SLC35D4: variants seen among roughly 807,000 people sequenced by gnomAD.
SLC35D4 encodes the protein solute carrier family 35 member D4.
the SLC35D4 span, among the ~76,000 whole-genome samples, chr18:23,395,997 A>C: frequency 6.6e-6 from 1 of 152,216 alleles, no homozygotes; most frequent in Non-Finnish European, 1.5e-5. Flanking sequence ...CAAGGTCAGA[A>C]ACCAGGTCTT....
the SLC35D4 span, chr18:23,370,303 C>G: frequency 6.2e-7 from 1 of 1,600,902 alleles, no homozygotes; most frequent in Admixed American, 1.7e-5. Flanking sequence ...TGGTATTCTG[C>G]TCAAGGAGCT....
chr18:23,294,426 G>A, the SLC35D4 span, among the ~76,000 whole-genome samples: 2 of 152,174 alleles, frequency 1.3e-5, no homozygotes, highest in Non-Finnish European at 2.9e-5. Flanking sequence ...CATAGAAGAT[G>A]GTGGTTAAAG....
At chr18:23,331,020 T>A in the SLC35D4 span, 1 of 152,246 alleles carries the variant, frequency 6.6e-6, no homozygotes, top group Non-Finnish European at 1.5e-5. Flanking sequence ...CCAGGCGTGG[T>A]GGCTCATACC....
chr18:23,425,409 G>T, the SLC35D4 span, among the ~76,000 whole-genome samples: 1 of 152,156 alleles, frequency 6.6e-6, no homozygotes, highest in African/African-American at 2.4e-5. Flanking sequence ...CCAAAAAAAT[G>T]ACTTTATACA....
the SLC35D4 span, among the ~76,000 whole-genome samples, chr18:23,282,964 C>G: frequency 6.6e-6 from 1 of 151,918 alleles, no homozygotes; most frequent in African/African-American, 2.4e-5. Context: ...AGGGGACCCC[C>G]GAGAAACCTG....
chr18:23,437,716 A>G, the SLC35D4 span: 3 of 1,534,520 alleles, frequency 2.0e-6, no homozygotes. Flanking sequence ...TCCGTTTGTC[A>G]CGGGAAGATT....
the SLC35D4 span, among the ~76,000 whole-genome samples, chr18:23,349,083 T>C: frequency 6.6e-6 from 1 of 152,240 alleles, no homozygotes; most frequent in East Asian, 1.9e-4. Flanking sequence ...AATTTCCCTC[T>C]TGCCACTTTT....
the SLC35D4 span, among the ~76,000 whole-genome samples, chr18:23,432,052 C>G: frequency 6.6e-6 from 1 of 152,208 alleles, no homozygotes; most frequent in Non-Finnish European, 1.5e-5. Flanking sequence ...ACTTCCTCTT[C>G]TTCCTTGAAA....
At chr18:23,406,420 TAAG>T in the SLC35D4 span, among the ~76,000 whole-genome samples, 1 of 152,170 alleles carries the variant, frequency 6.6e-6, no homozygotes, top group East Asian at 1.9e-4. Context: ...TTAAAGCAGA[TAAG>T]AAGGAGGCCA....
the SLC35D4 span, among the ~76,000 whole-genome samples, chr18:23,246,669 G>C: frequency 5.3e-5 from 8 of 151,616 alleles, no homozygotes; most frequent in Non-Finnish European, 1.2e-4. Context: ...GGGATTATAT[G>C]CTTGAGCCAC....
chr18:23,312,898 C>T, the SLC35D4 span, among the ~76,000 whole-genome samples: 6 of 152,056 alleles, frequency 3.9e-5, no homozygotes, highest in South Asian at 1.0e-3. Context: ...GAGGCCAAGA[C>T]GGGCGGATCA....
the SLC35D4 span, among the ~76,000 whole-genome samples, chr18:23,275,488 C>A: frequency 6.6e-6 from 1 of 152,140 alleles, no homozygotes; most frequent in Non-Finnish European, 1.5e-5. Flanking sequence ...ATCACCTGAC[C>A]GGAGGCTGAA....
chr18:23,419,724 G>T, the SLC35D4 span, among the ~76,000 whole-genome samples: 1 of 151,986 alleles, frequency 6.6e-6, no homozygotes, highest in Non-Finnish European at 1.5e-5. Context: ...GAGATAACTG[G>T]CAAAATACGG....
At chr18:23,282,050 A>G in the SLC35D4 span, among the ~76,000 whole-genome samples, 1 of 152,214 alleles carries the variant, frequency 6.6e-6, no homozygotes, top group Non-Finnish European at 1.5e-5. Flanking sequence ...CTTAACTTCT[A>G]TTTGCCATGC....
the SLC35D4 span, among the ~76,000 whole-genome samples, chr18:23,353,658 T>G: frequency 2.6e-5 from 4 of 152,166 alleles, no homozygotes; most frequent in Admixed American, 6.5e-5. Context: ...CCAATTTGCA[T>G]CAGCAGTCAT....
chr18:23,310,957 C>T, the SLC35D4 span, among the ~76,000 whole-genome samples: 4 of 152,082 alleles, frequency 2.6e-5, no homozygotes, highest in Admixed American at 6.6e-5. Context: ...GAAGTAGAAG[C>T]CCAGCCAGAC....
At chr18:23,317,005 C>T in the SLC35D4 span, among the ~76,000 whole-genome samples, 1 of 152,136 alleles carries the variant, frequency 6.6e-6, no homozygotes, top group Non-Finnish European at 1.5e-5. Context: ...ACAGTTTAAA[C>T]AAAGGAAGAG....
At chr18:23,274,358 G>A in the SLC35D4 span, among the ~76,000 whole-genome samples, 1 of 152,230 alleles carries the variant, frequency 6.6e-6, no homozygotes, top group African/African-American at 2.4e-5. Flanking sequence ...CTGATCGAGG[G>A]ATTGGGAAAG....
At chr18:23,355,592 CTT>C in the SLC35D4 span, among the ~76,000 whole-genome samples, 42 of 141,586 alleles carry the variant, frequency 3.0e-4, no homozygotes, top group Non-Finnish European at 3.3e-4. Flanking sequence ...CTCTGTAATT[CTT>C]TTTTTTTTTT....
Sources: gnomAD v4.1 joint callset for allele counts (sites outside exome capture counted in the v4.1 genomes callset) on GRCh38, gnomAD v4.1.1 for gene constraint, MANE v1.5 for transcripts, NCBI Gene and HGNC (gene_info 2026-07-23, HGNC 2026-07-21) for gene names.